HPGD: variants seen among roughly 807,000 people sequenced by gnomAD.
HPGD encodes the protein 15-hydroxyprostaglandin dehydrogenase [NAD(+)].
In HPGD, 29 loss-of-function variants were observed where a neutral mutation model predicts 30.0. That is an observed-to-expected ratio of 0.97 (90% CI 0.72 to 1.32). HPGD has a LOEUF of 1.32. Ranked by LOEUF, HPGD falls within the 40% of genes most tolerant of loss-of-function variation. The pLI is 0.00. For missense variants in HPGD, 340 were observed against 322.1 expected, an observed-to-expected ratio of 1.06 and a Z score of -0.43; for synonymous variants, 99 against 112.4, an observed-to-expected ratio of 0.88 and a Z score of 0.75.
In HPGD at chr4:174,495,221, A is replaced by C. The variant is rs1029025262; in HGVS notation, c.498+327T>G. ...TGGTGACAAATAATGGCTGGGGCCT[A>C]TTGCATCTTGCATTTCAGAAAAGCT... is the stretch of plus-strand genomic sequence containing the variant. On this transcript the variant is annotated intron_variant, in intron 5 of 6. Transcript: ENST00000296522. The C allele has an allele frequency of 8.6e-6, 3 of 350,312 alleles. No individual in the cohort carries two copies. The East Asian group carries it at 2.1e-4, about 25-fold the overall frequency. 21.7% of individuals were successfully genotyped at this position (350,312 alleles called of 1,614,324 possible).
chr4:174,507,954 C>T lies in HPGD; in HGVS notation c.421+742G>A, dbSNP rs576741590. The T allele has an allele frequency of 5.0e-4, 277 of 553,586 alleles. 1 individual carries two copies. Among genetic ancestry groups the T allele is most frequent in the African/African-American group, 4.8e-3 (256 of 53,784 alleles). 34.3% of individuals were successfully genotyped at this position (553,586 alleles called of 1,614,324 possible). A position where few individuals can be genotyped will look rare whatever the true frequency, so the allele number is the denominator to read the frequency against. On this transcript the variant is annotated intron_variant, in intron 4 of 6. Coordinates refer to ENST00000296522, the MANE Select transcript of HPGD (RefSeq NM_000860.6). ...TGCATTTCCCAGACAGACTCGCTTA[C>T]AGTTAGGTGAAACATGAGCTCAAGT... is the stretch of plus-strand genomic sequence containing the variant.
At chr4:174,501,310 C>T (rs1734888681) in intron 4 of HPGD, among the ~76,000 whole-genome samples, 1 of 151,866 alleles carries the variant, frequency 6.6e-6, no homozygotes, top group Non-Finnish European at 1.5e-5. Context: ...AATATTCTGT[C>T]ACAACATTAA....
rs777667720 is a variant in HPGD at position 174,522,446 on chromosome 4, G to A, written c.6C>T (p.His2=). 1.3e-6 allele frequency: 2 copies of A among 1,576,940 alleles called. No homozygotes were observed. The highest frequency in any genetic ancestry group is 3.6e-5 in the Admixed American group (2 of 55,632). Residue 2 remains histidine (H), a synonymous_variant, in exon 1 of 7, where the codon CAC becomes CAT. Transcript: ENST00000296522. ...TCACCAGCGCCACTTTGCCGTTCAC[G>A]TGCATGGTGCAGCCACTGCTGGGGC... The part of the protein sequence containing the change: M[H]VNGKVALVTG...
rs1735976816 is a variant in HPGD at position 174,519,596 on chromosome 4, GC to G, written c.218-1520del. ...TTCCACCACAAAAGAAGTGAAAATGGCCGGTCCTTGCCTTAACTGATGACAT... is the reference window on the plus strand; with the variant it reads ...TTCCACCACAAAAGAAGTGAAAATGGCGGTCCTTGCCTTAACTGATGACAT... On this transcript the variant is annotated intron_variant, in intron 2 of 6. Coordinates refer to ENST00000296522, the MANE Select transcript of HPGD (RefSeq NM_000860.6). 1.3e-5 allele frequency among the ~76,000 whole-genome samples: 2 copies of G among 152,060 alleles called. 1 individual carries two copies. Among genetic ancestry groups the G allele is most frequent in the South Asian group, 4.1e-4 (2 of 4,822 alleles).
chr4:174,503,245 T>A (rs1735009384), intron 4 of HPGD, among the ~76,000 whole-genome samples: 1 of 152,072 alleles, frequency 6.6e-6, no homozygotes, highest in Non-Finnish European at 1.5e-5. Flanking sequence ...GAAGGGTGGC[T>A]CCCATACTCA....
chr4:174,513,776 T>G (rs2110855175), intron 3 of HPGD, among the ~76,000 whole-genome samples: 1 of 152,136 alleles, frequency 6.6e-6, no homozygotes, highest in East Asian at 1.9e-4. Context: ...GATAGGGTAC[T>G]AATTTTATAT....
chr4:174,502,163 C>T (rs752018364), intron 4 of HPGD, among the ~76,000 whole-genome samples: 8 of 152,116 alleles, frequency 5.3e-5, no homozygotes, highest in Non-Finnish European at 7.4e-5. Context: ...AATGTGTACC[C>T]GTCTGTCTGT....
chr4:174,519,525 A>G (rs1404274725), intron 2 of HPGD, among the ~76,000 whole-genome samples: 1 of 152,176 alleles, frequency 6.6e-6, no homozygotes, highest in African/African-American at 2.4e-5. Context: ...AAGAATCACA[A>G]AAGTAGTGAT....
At chr4:174,493,528 A>T (rs982695427) in intron 5 of HPGD, 4 of 490,596 alleles carry the variant, frequency 8.2e-6, no homozygotes, top group East Asian at 3.9e-5. Flanking sequence ...AATTTTTTTT[A>T]AAAATCAGTA....
chr4:174,517,930 T>C (rs1221257652), intron 3 of HPGD, 41 bp downstream of exon 3: 7 of 1,034,512 alleles, frequency 6.8e-6, no homozygotes, highest in Admixed American at 1.8e-5. Flanking sequence ...CATCATGTTA[T>C]TAAATAATTA....
chr4:174,492,060 T>G lies in HPGD; in HGVS notation c.697A>C (p.Ile233Leu). 1 of 1,611,210 alleles carries G rather than the reference T, an allele frequency of 6.2e-7. No homozygotes were observed. Among genetic ancestry groups the G allele is most frequent in the South Asian group, 1.1e-5 (1 of 91,016 alleles). Residue 233 changes from isoleucine to leucine, a missense_variant, in exon 7 of 7, where the codon ATT becomes CTT. Physicochemically the swap from Ile to Leu is conservative, Grantham distance 5. Transcript: ENST00000296522. This position sits in a 1 kb window ranked among gnomAD's most constrained non-coding sequence, Gnocchi z 4.9. The part of the protein sequence containing the change: ...PLIANGLITL[I>L]EDDALNGAIM... The stretch of plus-strand genomic sequence containing the variant: ...GCACCATTTAAAGCATCATCTTCAA[T>G]GAGTGTTATCAATCCATTGGCAATC...
intron 2 of HPGD, among the ~76,000 whole-genome samples, chr4:174,519,748 AT>A (rs997510573): frequency 5.9e-5 from 9 of 151,978 alleles, no homozygotes; most frequent in African/African-American, 2.2e-4. Context: ...CCCAAATCTT[AT>A]AAAATAGCCC....
intron 3 of HPGD, among the ~76,000 whole-genome samples, chr4:174,515,621 T>A (rs1384034868): frequency 5.0e-5 from 4 of 79,750 alleles, no homozygotes; most frequent in African/African-American, 2.0e-4. Flanking sequence ...CAAAAATAGA[T>A]GGGACCTAAT....
chr4:174,511,982 A>G (rs886111213), intron 3 of HPGD, among the ~76,000 whole-genome samples: 5 of 152,226 alleles, frequency 3.3e-5, no homozygotes, highest in African/African-American at 1.2e-4. Context: ...ACAGCAATAC[A>G]TAATGCTGCT....
intron 4 of HPGD, among the ~76,000 whole-genome samples, chr4:174,504,767 C>T (rs11946109): frequency 0.48 from 73,575 of 151,778 alleles, 19,042 homozygotes; most frequent in Non-Finnish European, 0.58. Flanking sequence ...GAGCCGAGAT[C>T]GCGCCATTGC....
At chr4:174,522,312 C>CG in intron 1 of HPGD, 47 bp downstream of exon 1, 1 of 1,509,820 alleles carries the variant, frequency 6.6e-7, no homozygotes, top group East Asian at 2.4e-5. Flanking sequence ...GGGCGAGTCT[C>CG]GGAGTGTGTG....
At position 174,496,378 on chromosome 4, in the gene HPGD, G is replaced by T. The variant is rs200413246; in HGVS notation, c.422-754C>A. ...ATTCATGGTCTGGAGAGAAAAAACA[G>T]TATAGCATATACCTATAGCATCTCT... On this transcript the variant is annotated intron_variant, in intron 4 of 6. Transcript: ENST00000296522. The surrounding 1 kb of genome is among the most constrained non-coding windows in gnomAD (Gnocchi z 4.6). Among the ~76,000 whole-genome samples, 1 of 151,890 alleles carries T rather than the reference G, an allele frequency of 6.6e-6. No individual in the cohort carries two copies. The highest frequency in any genetic ancestry group is 2.4e-5 in the African/African-American group (1 of 41,344).
In HPGD at chr4:174,495,625, C is replaced by T. The variant is rs1734560775; in HGVS notation, c.422-1G>A. The T allele has an allele frequency of 6.2e-7, 1 of 1,608,584 alleles. No homozygotes were observed. The highest frequency in any genetic ancestry group is 1.3e-5 in the African/African-American group (1 of 74,740). On this transcript the variant is annotated splice_acceptor_variant, in intron 4 of 6. Coordinates refer to ENST00000296522, the MANE Select transcript of HPGD (RefSeq NM_000860.6). LOFTEE classifies it high-confidence loss of function. ...GGCTGCTGTGCAACGGGCATGAGTC[C>T]TGAAACAGACAAATATAACATTTAA...
In HPGD at chr4:174,507,039, T is replaced by C. The variant is rs574059901; in HGVS notation, c.421+1657A>G. ...TTTAAGAAAATACTAAATATCTCTT[T>C]TTAATTCTCCAGTCACTTGTTTTTT... On this transcript the variant is annotated intron_variant, in intron 4 of 6. Transcript: ENST00000296522. 5 of 152,358 alleles carry C rather than the reference T, an allele frequency of 3.3e-5. 1 individual carries two copies. The South Asian group carries it at 1.0e-3, about 32-fold the overall frequency. The allele number at this position is 152,358 out of a possible 1,614,324, so 9.4% of individuals were successfully genotyped here. A position where few individuals can be genotyped will look rare whatever the true frequency, so the allele number is the denominator to read the frequency against.
Sources: gnomAD v4.1 joint callset for allele counts (sites outside exome capture counted in the v4.1 genomes callset) on GRCh38, gnomAD v4.1.1 for gene constraint, Gnocchi (gnomAD v3.1) non-coding constraint, MANE v1.5 for transcripts, NCBI Gene and HGNC (gene_info 2026-07-23, HGNC 2026-07-21) for gene names.